The following LOC400499 variants were observed in gnomAD, a reference collection of about 807,000 sequenced individuals.
chr16:11,409,957 A>G, the LOC400499 span, among the ~76,000 whole-genome samples: 1 of 152,206 alleles, frequency 6.6e-6, no homozygotes, highest in Non-Finnish European at 1.5e-5. Context: ...GAAATAACTC[A>G]AAATAAAACT....
chr16:11,523,756 C>G, the LOC400499 span, among the ~76,000 whole-genome samples: 1 of 151,980 alleles, frequency 6.6e-6, no homozygotes. Flanking sequence ...CTCATCACTA[C>G]CTGAGTCCAA....
chr16:11,457,845 A>G, the LOC400499 span, among the ~76,000 whole-genome samples: 2 of 152,176 alleles, frequency 1.3e-5, no homozygotes, highest in African/African-American at 4.8e-5. Context: ...AAAAGGAAGG[A>G]AATTTGACAC....
chr16:11,469,062 A>G, the LOC400499 span: 4 of 398,090 alleles, frequency 1.0e-5, no homozygotes, highest in Non-Finnish European at 1.8e-5. Context: ...GCAGGTAGAA[A>G]GGGAAGATCC....
chr16:11,478,649 A>G, the LOC400499 span: 5 of 399,066 alleles, frequency 1.3e-5, no homozygotes, highest in East Asian at 7.1e-5. Context: ...CTCAGCTCGC[A>G]TCGCAGAGCC....
the LOC400499 span, among the ~76,000 whole-genome samples, chr16:11,373,208 G>T: frequency 2.0e-5 from 3 of 152,190 alleles, no homozygotes; most frequent in Non-Finnish European, 4.4e-5. Context: ...CCATGATGTG[G>T]GGCTCCTGGC....
the LOC400499 span, chr16:11,385,000 G>T: frequency 8.1e-7 from 1 of 1,232,246 alleles, no homozygotes; most frequent in Non-Finnish European, 1.0e-6. Flanking sequence ...TCCTTGTCGT[G>T]GCAGGATGCA....
At chr16:11,462,121 C>G in the LOC400499 span, 1 of 1,499,180 alleles carries the variant, frequency 6.7e-7, no homozygotes, top group Non-Finnish European at 8.9e-7. Context: ...TCCTACCTGT[C>G]ACGTTGGCCT....
chr16:11,411,417 C>A, the LOC400499 span: 1 of 398,436 alleles, frequency 2.5e-6, no homozygotes, highest in South Asian at 1.3e-4. Flanking sequence ...GGGGACTTCC[C>A]CGAGAGAGAG....
At chr16:11,518,732 G>T in the LOC400499 span, among the ~76,000 whole-genome samples, 2 of 152,124 alleles carry the variant, frequency 1.3e-5, no homozygotes, top group African/African-American at 4.8e-5. Flanking sequence ...AAACTTCTTT[G>T]AACTTCAGTC....
the LOC400499 span, chr16:11,372,830 T>G: frequency 1.7e-5 from 7 of 416,852 alleles, no homozygotes; most frequent in Non-Finnish European, 1.9e-5. Flanking sequence ...CTAGGGCCCC[T>G]GGCCTTCATT....
At chr16:11,415,428 G>C in the LOC400499 span, among the ~76,000 whole-genome samples, 3 of 152,124 alleles carry the variant, frequency 2.0e-5, no homozygotes, top group South Asian at 4.1e-4. Context: ...CCTGAGCCTC[G>C]ACTTCCTTAT....
the LOC400499 span, chr16:11,383,992 C>G: frequency 8.1e-7 from 1 of 1,231,806 alleles, no homozygotes; most frequent in Non-Finnish European, 1.0e-6. Flanking sequence ...CTCAGTGGCC[C>G]TGCAGTCACC....
chr16:11,393,304 A>T, the LOC400499 span: 1 of 1,135,542 alleles, frequency 8.8e-7, no homozygotes, highest in Non-Finnish European at 1.1e-6. Flanking sequence ...CCGACTTCTG[A>T]AATCTTAACG....
the LOC400499 span, chr16:11,515,970 C>T: frequency 1.0e-5 from 4 of 396,406 alleles, no homozygotes; most frequent in Admixed American, 8.8e-5. Flanking sequence ...GATGAGCGTC[C>T]CCTGCGCAGG....
the LOC400499 span, chr16:11,493,747 G>A: frequency 5.1e-6 from 2 of 394,892 alleles, no homozygotes; most frequent in Non-Finnish European, 8.9e-6. Flanking sequence ...AGGGGTGAGA[G>A]CCATGGCTGC....
the LOC400499 span, chr16:11,401,261 C>G: frequency 2.5e-6 from 1 of 399,088 alleles, no homozygotes; most frequent in Non-Finnish European, 4.4e-6. Context: ...GACATCCTCA[C>G]TCACCTGCCG....
the LOC400499 span, among the ~76,000 whole-genome samples, chr16:11,373,908 C>T: frequency 6.6e-6 from 1 of 152,136 alleles, no homozygotes; most frequent in Non-Finnish European, 1.5e-5. Context: ...GCATGAGTGA[C>T]CTTGCCTGGC....
chr16:11,504,395 A>C, the LOC400499 span, among the ~76,000 whole-genome samples: 5 of 151,892 alleles, frequency 3.3e-5, no homozygotes, highest in African/African-American at 9.7e-5. Context: ...GTCTCTACTG[A>C]AAATACAAAA....
the LOC400499 span, among the ~76,000 whole-genome samples, chr16:11,457,638 G>A: frequency 6.7e-6 from 1 of 148,802 alleles, no homozygotes; most frequent in Non-Finnish European, 1.5e-5. Context: ...ATACGCCCCA[G>A]AAATAACACT....
Sources: gnomAD v4.1 joint callset for allele counts (sites outside exome capture counted in the v4.1 genomes callset) on GRCh38, gnomAD v4.1.1 for gene constraint, MANE v1.5 for transcripts.